The following COX20 variants were observed in gnomAD, a reference collection of about 807,000 sequenced individuals.
The protein encoded by COX20 is cytochrome c oxidase assembly protein COX20, mitochondrial.
COX20 carries 14 observed loss-of-function variants against 14.3 expected under a neutral mutation model. The observed-to-expected ratio is 0.98, with a 90% confidence interval of 0.65 to 1.53. The LOEUF (loss-of-function observed/expected upper bound fraction) is 1.53, where lower values mean the gene tolerates loss of function less well. COX20 is among the 40% of genes most tolerant of loss of function. COX20 has a pLI of 0.00. For synonymous variants in COX20, 56 were observed against 51.7 expected (o/e 1.08, Z -0.36); for missense variants, 149 against 142.1 (o/e 1.05, Z -0.25).
chr1:244,842,518 T>C (rs528269107), intron 3 of COX20: 2 of 442,206 alleles, frequency 4.5e-6, no homozygotes, highest in Non-Finnish European at 4.0e-6. Flanking sequence ...CTAATACTTA[T>C]TTCATCCCTG....
chr1:244,836,668 G>T, intron 1 of COX20: 1 of 654,600 alleles, frequency 1.5e-6, no homozygotes, highest in South Asian at 2.1e-5. Flanking sequence ...TCGTAACATT[G>T]GCTAATCACG....
chr1:244,839,151 A>G (rs752890066), intron 1 of COX20, among the ~76,000 whole-genome samples: 4 of 152,150 alleles, frequency 2.6e-5, no homozygotes, highest in Non-Finnish European at 4.4e-5. Flanking sequence ...AGGGGTAGCT[A>G]TAGAAGCCAA....
chr1:244,837,139 G>A (rs1680015583), intron 1 of COX20, among the ~76,000 whole-genome samples: 1 of 151,832 alleles, frequency 6.6e-6, no homozygotes, highest in Admixed American at 6.6e-5. Context: ...GATCAACATT[G>A]ACCTATTTAA....
At position 244,844,312 on chromosome 1, in the gene COX20, A is replaced by G. The variant is rs1680337602; in HGVS notation, c.*1136A>G. On this transcript the variant is annotated 3_prime_UTR_variant, in exon 4 of 4. Transcript: ENST00000411948. ...GATGCAGAGGCTGTGTGGTTTACCA[A>G]ATGCCTTAACTTAGCAGTGAATGAC... 1 of 152,204 alleles carries G rather than the reference A, an allele frequency of 6.6e-6. No individual in the cohort carries two copies. The highest frequency in any genetic ancestry group is 2.4e-5 in the African/African-American group (1 of 41,448). 9.4% of individuals were successfully genotyped at this position (152,204 alleles called of 1,614,324 possible).
chr1:244,842,444 C>T, intron 3 of COX20, 186 bp downstream of exon 3: 1 of 556,860 alleles, frequency 1.8e-6, no homozygotes, highest in Non-Finnish European at 3.2e-6. Context: ...ATTAGACATC[C>T]CATTAAAAAG....
At chr1:244,835,606 G>T, upstream of COX20, 1 of 830,800 alleles carries the variant, frequency 1.2e-6, no homozygotes. Flanking sequence ...TCGGAACAGG[G>T]CGGGAGGCGG....
intron 1 of COX20, among the ~76,000 whole-genome samples, chr1:244,838,978 C>CA (rs1680089792): frequency 6.6e-6 from 1 of 152,028 alleles, no homozygotes; most frequent in Non-Finnish European, 1.5e-5. Flanking sequence ...TTAGTAGAGA[C>CA]AGGGTTTTGC....
At chr1:244,840,496 T>TAGGAAAAAGTCGTCTTGCTA (rs773755784) in intron 1 of COX20, 4 of 152,230 alleles carry the variant, frequency 2.6e-5, no homozygotes, top group Non-Finnish European at 5.9e-5. Flanking sequence ...CTCAAGCTGA[T>TAGGAAAAAGTCGTCTTGCTA]AGGAAAAAGT....
At chr1:244,837,840 T>A (rs1573309539) in intron 1 of COX20, among the ~76,000 whole-genome samples, 2 of 151,904 alleles carry the variant, frequency 1.3e-5, no homozygotes, top group African/African-American at 4.8e-5. Context: ...TGGACAAGAG[T>A]AGGATATGAA....
Position 244,843,587 on chromosome 1 carries a change from CATTG to C in COX20, c.*412_*415del, listed in dbSNP as rs1680303799. 6.5e-6 allele frequency: 1 copy of C among 153,932 alleles called. No homozygotes were observed. The highest frequency in any genetic ancestry group is 2.4e-5 in the African/African-American group (1 of 41,482). 9.5% of individuals were successfully genotyped at this position (153,932 alleles called of 1,614,324 possible). ...ACTGAGTTCTTGTAAGAGCTAATGT[CATTG>C]TAAGATTTAAAACTAAGGGCTTTTA... On this transcript the variant is annotated 3_prime_UTR_variant, in exon 4 of 4. Transcript: ENST00000411948.
intron 1 of COX20, among the ~76,000 whole-genome samples, chr1:244,836,781 G>A (rs1378374691): frequency 6.6e-6 from 1 of 152,128 alleles, no homozygotes; most frequent in East Asian, 1.9e-4. Context: ...GCTCTTGCTT[G>A]CTTCTCTGGT....
chr1:244,836,525 TA>T, intron 1 of COX20: 1 of 1,549,920 alleles, frequency 6.5e-7, no homozygotes, highest in Non-Finnish European at 8.7e-7. Flanking sequence ...TGGAAGGTAA[TA>T]AATGATCTTG....
At chr1:244,836,626 A>G in intron 1 of COX20, 1 of 997,296 alleles carries the variant, frequency 1.0e-6, no homozygotes, top group Non-Finnish European at 1.5e-6. Flanking sequence ...GAATAATGCA[A>G]GAGGAAAAAA....
At chr1:244,841,704 A>G in intron 1 of COX20, 1 of 402,698 alleles carries the variant, frequency 2.5e-6, no homozygotes, top group East Asian at 4.0e-5. Context: ...ATACAGCTCC[A>G]AGTTACCCTA....
chr1:244,835,858 C>A, intron 1 of COX20, 102 bp downstream of exon 1: 4 of 811,368 alleles, frequency 4.9e-6, no homozygotes, highest in Non-Finnish European at 6.7e-6. Context: ...GGCTTCTCTG[C>A]CACCCATGGG....
At chr1:244,836,280 T>C (rs1679979363) in intron 1 of COX20, among the ~76,000 whole-genome samples, 1 of 152,180 alleles carries the variant, frequency 6.6e-6, no homozygotes. Context: ...TGAATCCACC[T>C]TCCACTATTG....
intron 3 of COX20, chr1:244,842,599 A>G: frequency 3.5e-6 from 1 of 287,108 alleles, no homozygotes; most frequent in Non-Finnish European, 6.6e-6. Context: ...TAAAATATGG[A>G]TGAACCTCAA....
chr1:244,835,878 AT>A (rs994396485), intron 1 of COX20, 122 bp downstream of exon 1: 2 of 691,624 alleles, frequency 2.9e-6, no homozygotes, highest in Non-Finnish European at 4.1e-6. Context: ...GCTTGAAACT[AT>A]TTTAACTGTT....
chr1:244,842,975 A>G, intron 3 of COX20, 66 bp from the exon 4 acceptor site: 1 of 1,226,468 alleles, frequency 8.2e-7, no homozygotes. Context: ...TGATTTAGAG[A>G]AATTTCATAA....
Sources: gnomAD v4.1 joint callset for allele counts (sites outside exome capture counted in the v4.1 genomes callset) on GRCh38, gnomAD v4.1.1 for gene constraint, MANE v1.5 for transcripts, NCBI Gene and HGNC (gene_info 2026-07-23, HGNC 2026-07-21) for gene names.